The following SPATA17 variants were observed in gnomAD, a reference collection of about 807,000 sequenced individuals.
SPATA17 encodes spermatogenesis-associated protein 17.
A neutral mutation model predicts 62.2 loss-of-function variants in SPATA17; 53 were observed. That is an observed-to-expected ratio of 0.85 (90% CI 0.68 to 1.07). The LOEUF (loss-of-function observed/expected upper bound fraction) is 1.07, where lower values mean the gene tolerates loss of function less well. Ranked by LOEUF, SPATA17 falls within the 50% of genes least tolerant of loss-of-function variation. The pLI is 0.00. For synonymous variants in SPATA17, 146 were observed against 146.8 expected (o/e 0.99, Z 0.04); for missense variants, 466 against 425.5 (o/e 1.10, Z -0.84).
chr1:217,794,187 G>A (rs987355497), intron 8 of SPATA17, among the ~76,000 whole-genome samples: 22 of 151,928 alleles, frequency 1.4e-4, no homozygotes, highest in Non-Finnish European at 1.5e-5. Context: ...GGCTATTGGG[G>A]AGTCATTCAT....
intron 5 of SPATA17, among the ~76,000 whole-genome samples, chr1:217,714,484 G>GTTTTTTTTTTTTT (rs1456324571): frequency 1.6e-5 from 2 of 124,002 alleles, no homozygotes; most frequent in African/African-American, 6.7e-5. Context: ...TGGAAAACGT[G>GTTTTTTTTTTTTT]TTTCTTTTTT....
intron 4 of SPATA17, among the ~76,000 whole-genome samples, chr1:217,678,597 C>T (rs1487017811): frequency 2.6e-5 from 4 of 152,080 alleles, no homozygotes; most frequent in Admixed American, 1.3e-4. Context: ...TAAAAGTAAA[C>T]CCAATGGAGG....
intron 5 of SPATA17, among the ~76,000 whole-genome samples, chr1:217,705,430 CTTTTTTTTTTTTTTT>C (rs58138326): frequency 6.4e-5 from 3 of 46,628 alleles, no homozygotes; most frequent in African/African-American, 1.7e-4. Context: ...TTCTAGTTGT[CTTTTTTTTTTTTTTT>C]TTTTTTTTTT....
At chr1:217,855,079 TTA>T (rs1184329763) in intron 9 of SPATA17, among the ~76,000 whole-genome samples, 1 of 152,184 alleles carries the variant, frequency 6.6e-6, no homozygotes, top group African/African-American at 2.4e-5. Context: ...TAAGAAACAC[TTA>T]GTGTTGTAGC....
At chr1:217,770,306 T>C (rs1022043986) in intron 6 of SPATA17, among the ~76,000 whole-genome samples, 1 of 152,228 alleles carries the variant, frequency 6.6e-6, no homozygotes, top group South Asian at 2.1e-4. Context: ...GGTCAGCCAC[T>C]CTTTTTTGCT....
At chr1:217,758,347 A>G (rs1401461258) in intron 6 of SPATA17, among the ~76,000 whole-genome samples, 1 of 152,146 alleles carries the variant, frequency 6.6e-6, no homozygotes, top group African/African-American at 2.4e-5. Context: ...AAAAGCTAGC[A>G]TTTGTTGAGT....
At chr1:217,653,126 A>G (rs1315066609) in intron 3 of SPATA17, among the ~76,000 whole-genome samples, 1 of 152,166 alleles carries the variant, frequency 6.6e-6, no homozygotes, top group Admixed American at 6.5e-5. Context: ...TCACATGATA[A>G]TTTTATTATA....
At chr1:217,684,386 C>A (rs1671168475) in intron 5 of SPATA17, among the ~76,000 whole-genome samples, 1 of 151,970 alleles carries the variant, frequency 6.6e-6, no homozygotes, top group Admixed American at 6.6e-5. Context: ...AAAATATTTT[C>A]TACATATATC....
chr1:217,667,400 T>C (rs1670724562), intron 3 of SPATA17, among the ~76,000 whole-genome samples: 1 of 152,178 alleles, frequency 6.6e-6, no homozygotes, highest in African/African-American at 2.4e-5. Flanking sequence ...ATGTGTAATG[T>C]GAGCACTACT....
At chr1:217,683,062 T>G (rs1553365009) in intron 4 of SPATA17, among the ~76,000 whole-genome samples, 196 bp from the exon 5 acceptor site, 7 of 151,120 alleles carry the variant, frequency 4.6e-5, no homozygotes, top group Non-Finnish European at 3.0e-5. Context: ...ATAATTATGT[T>G]TATTTTTATA....
rs186337408 is a variant in SPATA17, at chr1:217,753,452, T to C, written c.519+11354T>C. Among the ~76,000 whole-genome samples the C allele has an allele frequency of 3.0e-3, 452 of 152,294 alleles. 3 individuals are homozygous for C. Among genetic ancestry groups the C allele is most frequent in the Middle Eastern group, 0.017 (5 of 294 alleles). The stretch of plus-strand genomic sequence containing the variant: ...TAAAGCTGAAGCACCGAATTTTCTT[T>C]AGTTCTTTCTCTTTTTTTAAATTGA... On this transcript the variant is annotated intron_variant, in intron 6 of 10. Transcript: ENST00000366933.
At chr1:217,720,325 T>C (rs1191636121) in intron 5 of SPATA17, among the ~76,000 whole-genome samples, 1 of 152,224 alleles carries the variant, frequency 6.6e-6, no homozygotes, top group Admixed American at 6.5e-5. Context: ...ATTTGATCAC[T>C]CAATGTTCAT....
intron 6 of SPATA17, among the ~76,000 whole-genome samples, chr1:217,772,313 GT>G (rs1382297079): frequency 1.3e-5 from 2 of 152,050 alleles, no homozygotes; most frequent in Non-Finnish European, 2.9e-5. Context: ...TGCCTTTAAT[GT>G]TTTTCCACAC....
chr1:217,690,538 T>C (rs1382956942), intron 5 of SPATA17, among the ~76,000 whole-genome samples: 3 of 146,286 alleles, frequency 2.1e-5, no homozygotes, highest in African/African-American at 7.5e-5. Flanking sequence ...GTGCACATTG[T>C]GCAGGTTAGT....
At chr1:217,817,015 G>C (rs1319422235) in intron 9 of SPATA17, among the ~76,000 whole-genome samples, 1 of 152,008 alleles carries the variant, frequency 6.6e-6, no homozygotes, top group East Asian at 1.9e-4. Context: ...TCATGAATTA[G>C]TCTTACAGGG....
chr1:217,705,028 A>G (rs1380169483), intron 5 of SPATA17, among the ~76,000 whole-genome samples: 5 of 152,218 alleles, frequency 3.3e-5, no homozygotes, highest in African/African-American at 4.8e-5. Context: ...CCAGCAGTGT[A>G]TAAGTGTTGC....
intron 9 of SPATA17, among the ~76,000 whole-genome samples, chr1:217,852,439 T>G (rs948751351): frequency 3.9e-5 from 6 of 152,190 alleles, no homozygotes; most frequent in African/African-American, 1.4e-4. Context: ...ATTATATACT[T>G]CTTCTTTGGG....
intron 5 of SPATA17, among the ~76,000 whole-genome samples, chr1:217,698,162 G>C (rs1671504703): frequency 6.6e-6 from 1 of 152,048 alleles, no homozygotes; most frequent in African/African-American, 2.4e-5. Context: ...AATCAGGCTG[G>C]GCACAGTGGC....
chr1:217,816,296 AT>A (rs942794505), intron 9 of SPATA17, among the ~76,000 whole-genome samples: 2 of 151,760 alleles, frequency 1.3e-5, no homozygotes, highest in Admixed American at 6.6e-5. Context: ...ATTTCTAATT[AT>A]TTTATATTTT....
Sources: allele counts gnomAD v4.1 joint callset (sites outside exome capture counted in the v4.1 genomes callset), GRCh38; gene constraint gnomAD v4.1.1; transcripts MANE v1.5; gene names NCBI Gene and HGNC (gene_info 2026-07-23, HGNC 2026-07-21).